CDK14: variants seen among roughly 807,000 people sequenced by gnomAD.
The protein encoded by CDK14 is cyclin-dependent kinase 14.
CDK14 carries 34 observed loss-of-function variants against 60.7 expected under a neutral mutation model. The ratio of observed to expected loss-of-function variants is 0.56; its 90% CI spans 0.43 to 0.75. The LOEUF (loss-of-function observed/expected upper bound fraction) is 0.75, where lower values mean the gene tolerates loss of function less well. CDK14 is among the 30% of genes least tolerant of loss of function. The pLI is 0.00. For missense variants in CDK14, 482 were observed against 564.1 expected, an observed-to-expected ratio of 0.85 and a Z score of 1.47; for synonymous variants, 197 against 203.7, an observed-to-expected ratio of 0.97 and a Z score of 0.28.
At chr7:90,739,857 T>A (rs1803271921) in intron 3 of CDK14, among the ~76,000 whole-genome samples, 1 of 152,196 alleles carries the variant, frequency 6.6e-6, no homozygotes, top group African/African-American at 2.4e-5. Flanking sequence ...TTTAAATTTC[T>A]ATTTAAAACT....
intron 11 of CDK14, among the ~76,000 whole-genome samples, chr7:91,058,145 G>C (rs1454762789): frequency 6.6e-6 from 1 of 152,070 alleles, no homozygotes; most frequent in East Asian, 1.9e-4. Flanking sequence ...TGGATTCCTA[G>C]ATATTTTATT....
At chr7:90,862,234 A>G (rs1791032385) in intron 5 of CDK14, among the ~76,000 whole-genome samples, 1 of 152,194 alleles carries the variant, frequency 6.6e-6, no homozygotes, top group South Asian at 2.1e-4. Context: ...CATCAAAATG[A>G]AAAGTCAGAG....
At chr7:91,180,403 T>C (rs907763298) in intron 14 of CDK14, among the ~76,000 whole-genome samples, 1 of 152,190 alleles carries the variant, frequency 6.6e-6, no homozygotes, top group African/African-American at 2.4e-5. Context: ...ATGCCTATCA[T>C]TAACTCAAAA....
chr7:91,168,788 TAAGAC>T (rs1466482985), intron 14 of CDK14, among the ~76,000 whole-genome samples: 1 of 152,198 alleles, frequency 6.6e-6, no homozygotes, highest in East Asian at 1.9e-4. Context: ...GAGATGTAGA[TAAGAC>T]AAGGGAGATT....
At chr7:90,955,454 A>G (rs1794383313) in intron 8 of CDK14, among the ~76,000 whole-genome samples, 1 of 152,138 alleles carries the variant, frequency 6.6e-6, no homozygotes, top group Non-Finnish European at 1.5e-5. Context: ...CTCTGCTGAT[A>G]TTTTATTAGA....
chr7:91,079,375 C>G lies in CDK14; in HGVS notation c.1106-57C>G, dbSNP rs1798415971. 15 of 1,190,294 alleles carry G rather than the reference C, an allele frequency of 1.3e-5. 1 individual carries two copies. In the South Asian group the frequency reaches 1.9e-4, roughly 15 times the overall value. The allele number at this position is 1,190,294 out of a possible 1,614,324, so 73.7% of individuals were successfully genotyped here. ...TTAAAGTTGAAGTTTTTTCAACATA[C>G]TTGTAATATATACATTTGATACAAA... On this transcript the variant is annotated intron_variant, in intron 11 of 14. Transcript: ENST00000380050.
intron 12 of CDK14, among the ~76,000 whole-genome samples, chr7:91,111,418 A>G (rs1799465366): frequency 6.6e-6 from 1 of 152,190 alleles, no homozygotes; most frequent in Non-Finnish European, 1.5e-5. Flanking sequence ...TCCCTCACCC[A>G]CTTCTGGCTG....
At chr7:90,720,856 G>A (rs1049649230) in intron 2 of CDK14, among the ~76,000 whole-genome samples, 3 of 152,002 alleles carry the variant, frequency 2.0e-5, no homozygotes, top group Admixed American at 2.0e-4. Context: ...TCTCAGAACA[G>A]CCACGGTTAC....
chr7:90,654,647 T>TA (rs1057298183), intron 2 of CDK14, among the ~76,000 whole-genome samples: 2 of 152,132 alleles, frequency 1.3e-5, no homozygotes, highest in African/African-American at 2.4e-5. Flanking sequence ...GTCAGTTTTT[T>TA]AAAAAAATTA....
At chr7:90,715,365 G>A (rs1025489763) in intron 2 of CDK14, among the ~76,000 whole-genome samples, 2 of 151,974 alleles carry the variant, frequency 1.3e-5, no homozygotes, top group African/African-American at 4.8e-5. Flanking sequence ...AAGCGTCCTG[G>A]ACCATATTAT....
intron 14 of CDK14, among the ~76,000 whole-genome samples, chr7:91,160,451 C>A (rs1314571188): frequency 6.6e-6 from 1 of 152,086 alleles, no homozygotes; most frequent in East Asian, 1.9e-4. Context: ...GCAGGAAAGT[C>A]CCCAATCACC....
chr7:90,801,882 C>A (rs894782926), intron 5 of CDK14, among the ~76,000 whole-genome samples: 1 of 152,138 alleles, frequency 6.6e-6, no homozygotes, highest in Non-Finnish European at 1.5e-5. Flanking sequence ...TGCCTAGATA[C>A]TTCTTACCCC....
chr7:91,042,180 A>G (rs1247891931), intron 10 of CDK14, among the ~76,000 whole-genome samples: 5 of 152,188 alleles, frequency 3.3e-5, no homozygotes, highest in East Asian at 3.8e-4. Flanking sequence ...AGAATTCACT[A>G]TGAGAAGACA....
At chr7:91,125,450 G>A (rs1799911659) in intron 14 of CDK14, among the ~76,000 whole-genome samples, 2 of 152,128 alleles carry the variant, frequency 1.3e-5, no homozygotes, top group South Asian at 2.1e-4. Flanking sequence ...AAGCTTTTAA[G>A]AGCATCAAAT....
At chr7:90,735,985 G>A (rs2116755080) in intron 3 of CDK14, among the ~76,000 whole-genome samples, 1 of 152,276 alleles carries the variant, frequency 6.6e-6, no homozygotes, top group East Asian at 1.9e-4. Context: ...CTGGTCTTCC[G>A]GTTGCAAACA....
At chr7:90,727,148 G>C (rs921568543) in intron 3 of CDK14, among the ~76,000 whole-genome samples, 1 of 152,162 alleles carries the variant, frequency 6.6e-6, no homozygotes, top group African/African-American at 2.4e-5. Context: ...AGGCAGTAAG[G>C]ATAGTTTTGA....
intron 12 of CDK14, among the ~76,000 whole-genome samples, chr7:91,096,461 A>G (rs1053249383): frequency 1.3e-5 from 2 of 152,206 alleles, no homozygotes; most frequent in Non-Finnish European, 2.9e-5. Context: ...AACCCTGGCT[A>G]TCAGTTTGAC....
At chr7:90,963,168 T>G (rs1794655190) in intron 9 of CDK14, among the ~76,000 whole-genome samples, 1 of 151,302 alleles carries the variant, frequency 6.6e-6, no homozygotes, top group Non-Finnish European at 1.5e-5. Context: ...CTTACACCTG[T>G]AATCCCAGCA....
intron 6 of CDK14, among the ~76,000 whole-genome samples, chr7:90,879,181 A>G (rs1235008411): frequency 1.3e-5 from 2 of 152,186 alleles, no homozygotes; most frequent in African/African-American, 4.8e-5. Context: ...CGATGCTACC[A>G]TGTATTATCC....
Sources: allele counts gnomAD v4.1 joint callset (sites outside exome capture counted in the v4.1 genomes callset), GRCh38; gene constraint gnomAD v4.1.1; transcripts MANE v1.5; gene names NCBI Gene and HGNC (gene_info 2026-07-23, HGNC 2026-07-21).